PDE1C: variants seen among roughly 807,000 people sequenced by gnomAD.
The protein encoded by PDE1C is phosphodiesterase 1C, also known as dual specificity calcium/calmodulin-dependent 3',5'-cyclic nucleotide phosphodiesterase 1C.
In PDE1C, 62 loss-of-function variants were observed where a neutral mutation model predicts 93.1. That is an observed-to-expected ratio of 0.67 (90% CI 0.54 to 0.82). The LOEUF is 0.82. Ranked by LOEUF, PDE1C falls within the 40% of genes least tolerant of loss-of-function variation. PDE1C has a pLI of 0.00. For synonymous variants in PDE1C, 325 were observed against 310.1 expected (o/e 1.05, Z -0.50); for missense variants, 742 against 884.6 (o/e 0.84, Z 2.04).
At chr7:31,865,134 G>C (rs760168256) in intron 6 of PDE1C, 52 bp from the exon 7 acceptor site, 11 of 1,601,118 alleles carry the variant, frequency 6.9e-6, no homozygotes, top group Non-Finnish European at 7.7e-6. Context: ...GCTTTCAATG[G>C]AGACACAGAA....
At chr7:31,919,567 A>T (rs1302362668) in intron 2 of PDE1C, among the ~76,000 whole-genome samples, 1 of 152,180 alleles carries the variant, frequency 6.6e-6, no homozygotes, top group East Asian at 1.9e-4. Flanking sequence ...CCTAACCTCA[A>T]GCCACCATTT....
At chr7:32,225,920 T>C (rs1449607024) in intron 1 of PDE1C, among the ~76,000 whole-genome samples, 1 of 152,036 alleles carries the variant, frequency 6.6e-6, no homozygotes, top group Non-Finnish European at 1.5e-5. Context: ...TAGCCGGGCA[T>C]GGTGGCACGT....
chr7:31,946,875 G>C (rs1296058850), intron 2 of PDE1C, among the ~76,000 whole-genome samples: 1 of 152,134 alleles, frequency 6.6e-6, no homozygotes, highest in Non-Finnish European at 1.5e-5. Flanking sequence ...TTGCTATTTG[G>C]CATGTCCTAT....
At chr7:32,416,266 A>C (rs1785274932) in intron 1 of PDE1C, among the ~76,000 whole-genome samples, 1 of 152,098 alleles carries the variant, frequency 6.6e-6, no homozygotes, top group Non-Finnish European at 1.5e-5. Flanking sequence ...GGACACAGAG[A>C]CTCCGTGGGT....
the PDE1C span, among the ~76,000 whole-genome samples, chr7:31,636,970 G>C: frequency 6.9e-6 from 1 of 145,598 alleles, no homozygotes; most frequent in African/African-American, 2.6e-5. Flanking sequence ...CCACCTATGA[G>C]TGAGAACATG....
chr7:31,815,822 T>C, intron 15 of PDE1C, 102 bp downstream of exon 15: 1 of 864,808 alleles, frequency 1.2e-6, no homozygotes, highest in Non-Finnish European at 1.9e-6. Flanking sequence ...AGGGAAGCCT[T>C]GCCCTGTGAG....
intron 1 of PDE1C, among the ~76,000 whole-genome samples, chr7:32,249,269 G>A (rs1213632634): frequency 6.6e-6 from 1 of 151,906 alleles, no homozygotes; most frequent in Non-Finnish European, 1.5e-5. Flanking sequence ...GTCACTGCAG[G>A]GGGTGCTTCT....
At chr7:32,213,429 A>G (rs1806200121) in intron 1 of PDE1C, among the ~76,000 whole-genome samples, 1 of 152,210 alleles carries the variant, frequency 6.6e-6, no homozygotes, top group Non-Finnish European at 1.5e-5. Context: ...AAGGCAGGTG[A>G]AAACAGAACC....
chr7:31,667,674 G>T, the PDE1C span, among the ~76,000 whole-genome samples: 4 of 151,740 alleles, frequency 2.6e-5, no homozygotes, highest in East Asian at 7.8e-4. Flanking sequence ...ATGGTGAAGT[G>T]CTTTTATGTA....
chr7:31,848,011 CGT>C lies in PDE1C; in HGVS notation c.935_936del (p.Asp312GlyfsTer8). 1 of 1,612,998 alleles carries C rather than the reference CGT, an allele frequency of 6.2e-7. No homozygotes were observed. The highest frequency in any genetic ancestry group is 8.5e-7 in the Non-Finnish European group (1 of 1,179,452). ...AGGTTAATCAAAATATTCATTTCCT[CGT>C]CATCTTGCAGAAGGCGATAAGCTGC... ...LSAAYRLLQD[D>X]EEMNILINLS... On this transcript the variant is annotated frameshift_variant, in exon 9 of 18. Transcript: ENST00000396191. LOFTEE classifies it high-confidence loss of function.
Position 32,356,158 on chromosome 7 carries a change from G to A in PDE1C, c.310+71664C>T, listed in dbSNP as rs1440582309. Among the ~76,000 whole-genome samples the A allele has an allele frequency of 3.3e-5, 5 of 152,318 alleles. No individual in the cohort carries two copies. The East Asian group carries it at 9.6e-4, about 29-fold the overall frequency. On this transcript the variant is annotated intron_variant, in intron 1 of 1. Coordinates refer to the PDE1C transcript ENST00000672256. ...GATGATCCATGAGGGATATGGTAGA[G>A]GACAGGGATAAAATGTCTGAGCAGA...
intron 3 of PDE1C, among the ~76,000 whole-genome samples, chr7:32,142,388 C>T (rs1222468700): frequency 6.6e-6 from 1 of 152,092 alleles, no homozygotes; most frequent in African/African-American, 2.4e-5. Flanking sequence ...TTCCCTGCAG[C>T]CTGATATGTT....
chr7:31,854,289 C>T lies in PDE1C; in HGVS notation c.751-3548G>A, dbSNP rs139497780. ...AGCTATTTTGGAGGAAATTGAACTT[C>T]CTATTTTAATATACCTCAGATTTCC... On this transcript the variant is annotated intron_variant, in intron 7 of 17. Transcript: ENST00000396191. 1.3e-3 allele frequency among the ~76,000 whole-genome samples: 205 copies of T among 152,184 alleles called. 2 individuals are homozygous for T. Among genetic ancestry groups the T allele is most frequent in the African/African-American group, 4.7e-3 (197 of 41,504 alleles).
Position 31,879,024 on chromosome 7 carries a change from C to A in PDE1C, c.397G>T (p.Ala133Ser). Residue 133 changes from alanine (A) to serine (S), a missense_variant, in exon 4 of 18, where the codon GCA becomes TCA. Physicochemically the swap from Ala to Ser is moderately conservative, Grantham distance 99. This residue lies in a region of PDE1C where 205 missense variants were observed against 295.3 expected (regional missense o/e 0.69). Transcript: ENST00000396191. ...EKPRFKSIVHAVQAGIFVERM... is the reference protein window; with the variant it reads ...EKPRFKSIVHSVQAGIFVERM... ...TCCACAAATATCCCAGCCTGCACTGCGTGAACGATGCTCTTGAACCGGGGC... is the reference window on the plus strand; with the variant it reads ...TCCACAAATATCCCAGCCTGCACTGAGTGAACGATGCTCTTGAACCGGGGC... 3 of 1,614,148 alleles carry A rather than the reference C, an allele frequency of 1.9e-6. No individual in the cohort carries two copies. The highest frequency in any genetic ancestry group is 2.5e-6 in the Non-Finnish European group (3 of 1,179,992).
intron 16 of PDE1C, among the ~76,000 whole-genome samples, chr7:31,803,023 T>A (rs185243694): frequency 6.6e-6 from 1 of 151,956 alleles, no homozygotes; most frequent in East Asian, 1.9e-4. Flanking sequence ...ACCTGGGGAT[T>A]CCAAGTACAC....
intron 9 of PDE1C, among the ~76,000 whole-genome samples, chr7:31,839,302 A>C (rs1791538041): frequency 1.3e-5 from 2 of 150,938 alleles, no homozygotes; most frequent in Non-Finnish European, 3.0e-5. Context: ...TTGAAAATAT[A>C]CACACATATT....
chr7:31,838,680 AC>A (rs1562895902), intron 9 of PDE1C, among the ~76,000 whole-genome samples: 1 of 152,042 alleles, frequency 6.6e-6, no homozygotes, highest in Non-Finnish European at 1.5e-5. Context: ...CCTTCGATTC[AC>A]CCCTCTCTTT....
chr7:32,104,460 T>C (rs189911397), intron 3 of PDE1C, among the ~76,000 whole-genome samples: 5 of 152,216 alleles, frequency 3.3e-5, no homozygotes, highest in Non-Finnish European at 5.9e-5. Context: ...TTTTAAGACA[T>C]GCAAGTTTTC....
the PDE1C span, among the ~76,000 whole-genome samples, chr7:31,632,241 G>A: frequency 3.3e-5 from 5 of 152,198 alleles, no homozygotes; most frequent in Middle Eastern, 0.01. Context: ...GAGGTCAGGC[G>A]ATCAAGACCA....
Sources: gnomAD v4.1 joint callset for allele counts (sites outside exome capture counted in the v4.1 genomes callset) on GRCh38, gnomAD v4.1.1 for gene constraint, gnomAD v4.1.1 regional missense constraint, MANE v1.5 for transcripts, NCBI Gene and HGNC (gene_info 2026-07-23, HGNC 2026-07-21) for gene names.